Variants in THSD7B observed in about 807,000 individuals in gnomAD.
The protein encoded by THSD7B is thrombospondin type-1 domain-containing protein 7B.
A neutral mutation model predicts 213.6 loss-of-function variants in THSD7B; 138 were observed. That is an observed-to-expected ratio of 0.65 (90% CI 0.56 to 0.74). THSD7B has a LOEUF of 0.74. Among genes scored for constraint, THSD7B ranks in the 30% least tolerant of loss-of-function variants. THSD7B has a pLI of 0.00. For synonymous variants in THSD7B, 742 were observed against 687.0 expected (o/e 1.08, Z -1.25); for missense variants, 1,931 against 1,991.5 (o/e 0.97, Z 0.58).
chr2:137,217,845 G>T (rs1048337718), intron 7 of THSD7B, among the ~76,000 whole-genome samples: 1 of 152,094 alleles, frequency 6.6e-6, no homozygotes, highest in African/African-American at 2.4e-5. Context: ...GGCCAAGGAG[G>T]TGATATAATG....
At chr2:137,350,769 G>A (rs1196050040) in intron 12 of THSD7B, among the ~76,000 whole-genome samples, 1 of 151,736 alleles carries the variant, frequency 6.6e-6, no homozygotes, top group African/African-American at 2.4e-5. Flanking sequence ...GTGGAGATGG[G>A]AAGAAGAGGA....
intron 16 of THSD7B, 70 bp from the exon 17 acceptor site, chr2:137,572,336 A>G (rs1681371394): frequency 2.6e-6 from 4 of 1,547,310 alleles, no homozygotes; most frequent in African/African-American, 1.4e-5. Flanking sequence ...ACTATGATAC[A>G]TCATAACTAT....
At chr2:137,643,230 C>T (rs940431292) in intron 21 of THSD7B, among the ~76,000 whole-genome samples, 18 of 152,222 alleles carry the variant, frequency 1.2e-4, no homozygotes, top group African/African-American at 4.1e-4. Context: ...TCCTCTACTG[C>T]ATTTTCTCTC....
intron 2 of THSD7B, among the ~76,000 whole-genome samples, chr2:136,887,125 G>T (rs1443935335): frequency 6.6e-6 from 1 of 152,090 alleles, no homozygotes; most frequent in African/African-American, 2.4e-5. Flanking sequence ...CCACTTCAAA[G>T]TATACAATTC....
chr2:136,914,754 A>G (rs796798092), intron 2 of THSD7B, among the ~76,000 whole-genome samples: 50 of 152,286 alleles, frequency 3.3e-4, no homozygotes, highest in African/African-American at 1.2e-3. Context: ...TGTAAGTCCA[A>G]TTAAACTTCT....
rs991283256 is a variant in THSD7B at position 137,067,025 on chromosome 2, C to T, written c.950+9795C>T. Among the ~76,000 whole-genome samples, 16 of 152,172 alleles carry T rather than the reference C, an allele frequency of 1.1e-4. No individual in the cohort carries two copies. The East Asian group carries it at 2.3e-3, about 22-fold the overall frequency. On this transcript the variant is annotated intron_variant, in intron 3 of 27. Transcript: ENST00000409968. ...ACTTTACGATGTTTTTGATTTCTGT[C>T]ATTTTCTTTTGATTCTTTGTTAGGG...
intron 15 of THSD7B, among the ~76,000 whole-genome samples, chr2:137,556,923 C>T (rs1328136646): frequency 6.6e-6 from 1 of 152,060 alleles, no homozygotes; most frequent in South Asian, 2.1e-4. Context: ...TTTAAACCAA[C>T]AAAGATCAAA....
intron 5 of THSD7B, among the ~76,000 whole-genome samples, chr2:137,143,692 T>G (rs1679636842): frequency 6.6e-6 from 1 of 152,140 alleles, no homozygotes; most frequent in Non-Finnish European, 1.5e-5. Flanking sequence ...TTGAACACGC[T>G]GACCTTTCAT....
At chr2:136,968,184 T>C (rs1016852562) in intron 2 of THSD7B, among the ~76,000 whole-genome samples, 5 of 152,178 alleles carry the variant, frequency 3.3e-5, no homozygotes, top group South Asian at 2.1e-4. Flanking sequence ...AATGACAGGT[T>C]ATTTTCCAAC....
intron 3 of THSD7B, among the ~76,000 whole-genome samples, chr2:137,072,882 T>C (rs1687527585): frequency 1.3e-5 from 2 of 152,326 alleles, no homozygotes; most frequent in South Asian, 2.1e-4. Context: ...TTGTCTTTGG[T>C]TCTGTTTATA....
intron 9 of THSD7B, among the ~76,000 whole-genome samples, chr2:137,235,596 A>C (rs1573903546): frequency 6.6e-6 from 1 of 152,192 alleles, no homozygotes; most frequent in Admixed American, 6.5e-5. Context: ...TCACAGTTTC[A>C]TGAAGGTTTC....
intron 1 of THSD7B, among the ~76,000 whole-genome samples, chr2:136,853,654 AAACCTTCATTTATCAG>A (rs1683133003): frequency 6.6e-6 from 1 of 152,178 alleles, no homozygotes; most frequent in East Asian, 1.9e-4. Context: ...GTATTATGCC[AAACCTTCATTTATCAG>A]ACTTGGCATT....
Position 137,291,609 on chromosome 2 carries a change from C to T in THSD7B, c.2500+15583C>T, listed in dbSNP as rs181353252. Among the ~76,000 whole-genome samples, 182 of 152,174 alleles carry T rather than the reference C, an allele frequency of 1.2e-3. 1 individual carries two copies. Among genetic ancestry groups the T allele is most frequent in the African/African-American group, 4.0e-3 (167 of 41,538 alleles). Reference sequence around the variant, plus strand: ...ACATTAAAATTACTATGACAAAACACGTTTTCTGTGCTTAAATCAAGTAAT... The same window carrying T: ...ACATTAAAATTACTATGACAAAACATGTTTTCTGTGCTTAAATCAAGTAAT... On this transcript the variant is annotated intron_variant, in intron 12 of 27. Transcript: ENST00000409968.
At chr2:137,534,852 T>C (rs1471308277) in intron 15 of THSD7B, among the ~76,000 whole-genome samples, 1 of 151,814 alleles carries the variant, frequency 6.6e-6, no homozygotes, top group African/African-American at 2.4e-5. Context: ...ATTAAACTAG[T>C]TAGAATGACT....
intron 12 of THSD7B, among the ~76,000 whole-genome samples, chr2:137,382,179 A>G (rs575438300): frequency 2.8e-4 from 42 of 152,258 alleles, no homozygotes; most frequent in African/African-American, 8.7e-4. Flanking sequence ...GAGGGCAACA[A>G]TGAACTTTCA....
intron 9 of THSD7B, among the ~76,000 whole-genome samples, chr2:137,238,447 T>A (rs930298725): frequency 3.9e-5 from 6 of 152,118 alleles, no homozygotes; most frequent in Non-Finnish European, 8.8e-5. Context: ...TAGTGTTTTC[T>A]TATCTTAACT....
chr2:137,061,154 G>C (rs1007987994), intron 3 of THSD7B, among the ~76,000 whole-genome samples: 2 of 151,400 alleles, frequency 1.3e-5, no homozygotes, highest in Non-Finnish European at 3.0e-5. Context: ...GTGCATTGCT[G>C]GTATAATAAG....
intron 17 of THSD7B, among the ~76,000 whole-genome samples, chr2:137,603,818 CT>C (rs1682119278): frequency 2.6e-5 from 4 of 152,192 alleles, no homozygotes; most frequent in South Asian, 4.1e-4. Context: ...ATATTAAAAA[CT>C]TTAAAACATG....
At chr2:137,609,067 C>A (rs1682239935) in intron 17 of THSD7B, among the ~76,000 whole-genome samples, 1 of 152,206 alleles carries the variant, frequency 6.6e-6, no homozygotes, top group Non-Finnish European at 1.5e-5. Flanking sequence ...GATATCTCAA[C>A]CCCCTGGGGA....
Sources: allele counts gnomAD v4.1 joint callset (sites outside exome capture counted in the v4.1 genomes callset), GRCh38; gene constraint gnomAD v4.1.1; transcripts MANE v1.5; gene names NCBI Gene and HGNC (gene_info 2026-07-23, HGNC 2026-07-21).